The following LNX1 variants were observed in gnomAD, a reference collection of about 807,000 sequenced individuals.
The protein encoded by LNX1 is ligand of numb-protein X 1, also known as E3 ubiquitin-protein ligase LNX.
In LNX1, 54 loss-of-function variants were observed where a neutral mutation model predicts 68.4. That is an observed-to-expected ratio of 0.79 (90% CI 0.63 to 0.99). The LOEUF (loss-of-function observed/expected upper bound fraction) is 0.99, where lower values mean the gene tolerates loss of function less well. Among genes scored for constraint, LNX1 ranks in the 50% least tolerant of loss-of-function variants. LNX1 has a pLI of 0.00. For missense variants in LNX1, 906 were observed against 926.4 expected (o/e 0.98, Z 0.29); for synonymous variants, 336 against 350.0 (o/e 0.96, Z 0.45).
intron 1 of LNX1, chr4:53,575,569 C>G: frequency 7.9e-7 from 1 of 1,258,338 alleles, no homozygotes; most frequent in Non-Finnish European, 1.0e-6. Flanking sequence ...CAAACTAGGG[C>G]TCTGGGTCAA....
Position 53,590,208 on chromosome 4 carries a change from G to A in LNX1, c.-87+1180C>T, listed in dbSNP as rs940678005. ...GGGCAGATTCTTAGTGGTGAGGAAC[G>A]ACTGTCTGTCTAAGGCAAAAATGAT... On this transcript the variant is annotated intron_variant, in intron 1 of 10. Coordinates refer to ENST00000263925, the MANE Select transcript of LNX1 (RefSeq NM_001126328.3). 7.9e-5 allele frequency among the ~76,000 whole-genome samples: 12 copies of A among 152,296 alleles called. No individual in the cohort carries two copies. In the East Asian group the frequency reaches 1.7e-3, roughly 22 times the overall value.
In LNX1 at chr4:53,476,739, G is replaced by C; in HGVS notation, c.1892+14C>G. ...TCTCCCACGCCCCTACAGGGATGTT[G>C]TGTTTGGACTTACCGTGGTAATTCC... On this transcript the variant is annotated intron_variant, in intron 9 of 10. Transcript: ENST00000263925. 1 of 1,606,650 alleles carries C rather than the reference G, an allele frequency of 6.2e-7. No homozygotes were observed.
intron 2 of LNX1, among the ~76,000 whole-genome samples, chr4:53,512,943 G>A (rs1316959926): frequency 6.6e-6 from 1 of 152,098 alleles, no homozygotes; most frequent in Non-Finnish European, 1.5e-5. Flanking sequence ...TTGGGCCTCA[G>A]TAATGTGTGC....
At chr4:53,572,689 T>C (rs1025060775) in intron 2 of LNX1, among the ~76,000 whole-genome samples, 2 of 152,154 alleles carry the variant, frequency 1.3e-5, no homozygotes, top group Non-Finnish European at 2.9e-5. Context: ...TCCAAGAACA[T>C]GACAATGTAA....
chr4:53,607,364 G>A (rs1236720296), intron 2 of LNX1, among the ~76,000 whole-genome samples: 1 of 151,896 alleles, frequency 6.6e-6, no homozygotes, highest in African/African-American at 2.4e-5. Flanking sequence ...CATTCACGAT[G>A]GTCACGAAAA....
chr4:53,596,468 A>G (rs1471739279), upstream of LNX1, among the ~76,000 whole-genome samples: 1 of 152,210 alleles, frequency 6.6e-6, no homozygotes, highest in Non-Finnish European at 1.5e-5. Flanking sequence ...GGAGAAAAAA[A>G]GAACTTCATT....
chr4:53,641,988 A>G (rs951526758), intron 1 of LNX1, among the ~76,000 whole-genome samples: 1 of 152,118 alleles, frequency 6.6e-6, no homozygotes, highest in Admixed American at 6.6e-5. Context: ...CATGAAACCA[A>G]GACAGGAGGA....
intron 1 of LNX1, among the ~76,000 whole-genome samples, chr4:53,645,465 G>A (rs1577829127): frequency 6.6e-6 from 1 of 152,188 alleles, no homozygotes; most frequent in African/African-American, 2.4e-5. Context: ...AAGGGAAGGT[G>A]GATTTGCCTA....
intron 1 of LNX1, among the ~76,000 whole-genome samples, chr4:53,640,192 C>T (rs948932175): frequency 2.6e-5 from 4 of 152,114 alleles, no homozygotes; most frequent in East Asian, 3.9e-4. Context: ...CAATTGTTGG[C>T]ATTTCTTTGT....
intron 1 of LNX1, among the ~76,000 whole-genome samples, chr4:53,591,026 C>A (rs1231468712): frequency 6.6e-6 from 1 of 152,186 alleles, no homozygotes; most frequent in Admixed American, 6.5e-5. Flanking sequence ...TCCTAGCCCC[C>A]GTTAAACGGG....
At chr4:53,515,439 T>C (rs953919414) in intron 2 of LNX1, among the ~76,000 whole-genome samples, 2 of 152,182 alleles carry the variant, frequency 1.3e-5, no homozygotes, top group Admixed American at 6.5e-5. Flanking sequence ...GTGATACCAA[T>C]GCTAGTCTCT....
At chr4:53,464,530 A>AACTC (rs1310880856) in intron 9 of LNX1, among the ~76,000 whole-genome samples, 2 of 45,724 alleles carry the variant, frequency 4.4e-5, no homozygotes, top group African/African-American at 1.5e-4. Context: ...CAGTGTTATA[A>AACTC]ACTCATAATT....
In LNX1 at chr4:53,478,581, A is replaced by G. The variant is rs1331814940; in HGVS notation, c.1647T>C (p.Asp549=). The G allele has an allele frequency of 1.2e-6, 2 of 1,609,308 alleles. No individual in the cohort carries two copies. Among genetic ancestry groups the G allele is most frequent in the East Asian group, 4.5e-5 (2 of 44,814 alleles). The change falls in exon 8 of 11, where the codon GAT becomes GAC. Residue 549 remains aspartate, a synonymous_variant. Transcript: ENST00000263925. The stretch of plus-strand genomic sequence containing the variant: ...ACTTTTTACCTGTTTTTATTCTTCC[A>G]TCTCTGCTTATGACTCCTCCGGGCT... ...SVEPGGVISR[D]GRIKTGDILL... is the part of the protein sequence containing the mutation.
chr4:53,571,125 T>C (rs2109772854), intron 2 of LNX1, among the ~76,000 whole-genome samples: 1 of 152,074 alleles, frequency 6.6e-6, no homozygotes, highest in South Asian at 2.1e-4. Context: ...GTTCAAGTGA[T>C]TCTCATGCCT....
intron 2 of LNX1, among the ~76,000 whole-genome samples, chr4:53,515,152 C>T (rs1478232958): frequency 3.9e-5 from 6 of 152,180 alleles, no homozygotes; most frequent in African/African-American, 1.2e-4. Flanking sequence ...AGCTCTCTCT[C>T]CAGGACTGAG....
At chr4:53,519,998 G>A (rs1727092201) in intron 2 of LNX1, among the ~76,000 whole-genome samples, 1 of 152,350 alleles carries the variant, frequency 6.6e-6, no homozygotes, top group South Asian at 2.1e-4. Context: ...TAAGTCAAGA[G>A]TTGTGAATGC....
At chr4:53,573,506 T>A (rs1426409783) in intron 2 of LNX1, 117 bp downstream of exon 2, 1 of 674,622 alleles carries the variant, frequency 1.5e-6, no homozygotes, top group African/African-American at 1.8e-5. Context: ...CCTAGCTGTT[T>A]TTTTATTTTG....
chr4:53,472,342 T>G (rs1365640508), intron 9 of LNX1, among the ~76,000 whole-genome samples: 1 of 151,120 alleles, frequency 6.6e-6, no homozygotes, highest in African/African-American at 2.4e-5. Flanking sequence ...TGTTGTGGGG[T>G]TGGGGGATGG....
chr4:53,504,168 C>T (rs1406916989), intron 4 of LNX1, among the ~76,000 whole-genome samples: 1 of 152,182 alleles, frequency 6.6e-6, no homozygotes, highest in Non-Finnish European at 1.5e-5. Flanking sequence ...CTTAGTGGAG[C>T]CACCTTCAAT....
Sources: allele counts gnomAD v4.1 joint callset (sites outside exome capture counted in the v4.1 genomes callset), GRCh38; gene constraint gnomAD v4.1.1; transcripts MANE v1.5; gene names NCBI Gene and HGNC (gene_info 2026-07-23, HGNC 2026-07-21).